UGT2B28: variants seen among roughly 807,000 people sequenced by gnomAD.
UGT2B28 encodes the protein UDP glucuronosyltransferase family 2 member B28.
Under a neutral mutation model 43.6 loss-of-function variants are expected in UGT2B28, and 45 were observed. The ratio of observed to expected loss-of-function variants is 1.03; its 90% confidence interval spans 0.81 to 1.32. The LOEUF (loss-of-function observed/expected upper bound fraction) is 1.32. Ranked by LOEUF, UGT2B28 falls within the 40% of genes most tolerant of loss-of-function variation. UGT2B28 has a pLI of 0.00. For missense variants in UGT2B28, 649 were observed against 625.5 expected (o/e 1.04, Z -0.40); for synonymous variants, 204 against 208.1 (o/e 0.98, Z 0.17).
chr4:69,289,890 AG>A, intron 4 of UGT2B28, 138 bp downstream of exon 4: 1 of 959,746 alleles, frequency 1.0e-6, no homozygotes, highest in Non-Finnish European at 1.4e-6. Flanking sequence ...TTCCAGTCCT[AG>A]GGGAAAAGAA....
chr4:69,293,682 G>T lies in UGT2B28; in HGVS notation c.1311-848G>T, dbSNP rs1346784870. On this transcript the variant is annotated intron_variant, in intron 5 of 5. Transcript: ENST00000335568. ...AAAGTGCTAAGATGAGAACACCTTT[G>T]GAAGCTTAAAGAAAATTAGAAGGCC... 2.1e-5 allele frequency among the ~76,000 whole-genome samples: 3 copies of T among 139,562 alleles called. 1 individual carries two copies. Among genetic ancestry groups the T allele is most frequent in the African/African-American group, 5.6e-5 (2 of 35,616 alleles). 91.6% of individuals were successfully genotyped at this position (139,562 alleles called of 152,430 possible).
chr4:69,282,052 C>T lies in UGT2B28; in HGVS notation c.722-462C>T, dbSNP rs184827571. 9.3e-5 allele frequency among the ~76,000 whole-genome samples: 13 copies of T among 139,576 alleles called. 3 individuals are homozygous for T. In the Admixed American group the frequency reaches 9.4e-4, roughly 10 times the overall value. 91.6% of individuals were successfully genotyped at this position (139,576 alleles called of 152,430 possible). A position where few individuals can be genotyped will look rare whatever the true frequency, so the allele number is the denominator to read the frequency against. On this transcript the variant is annotated intron_variant, in intron 1 of 5. Coordinates refer to ENST00000335568, the MANE Select transcript of UGT2B28 (RefSeq NM_053039.2). The stretch of plus-strand genomic sequence containing the variant: ...TTTCTGCCATACTCTCAAAATAGTC[C>T]GAGTTCACTTGAAGAACCAAAGATA...
At position 69,282,571 on chromosome 4, in the gene UGT2B28, A is replaced by G. The variant is rs1270546467; in HGVS notation, c.779A>G (p.Asn260Ser). 1 of 1,553,214 alleles carries G rather than the reference A, an allele frequency of 6.4e-7. No individual in the cohort carries two copies. Among genetic ancestry groups the G allele is most frequent in the Admixed American group, 1.8e-5 (1 of 55,190 alleles). The change falls in exon 2 of 6, where the codon AAC becomes AGC. Residue 260 changes from asparagine (N) to serine (S), a missense_variant. Transcript: ENST00000335568. ...MGKADIWLMR[N>S]SWSFQFPHPF... ...AAAGCTGACATATGGCTTATGCGAA[A>G]CTCCTGGAGTTTTCAATTTCCTCAT...
In UGT2B28 at chr4:69,288,705, A is replaced by T. The variant is rs1425706820; in HGVS notation, c.1003-960A>T. On this transcript the variant is annotated intron_variant, in intron 3 of 5. Transcript: ENST00000335568. ...TTTCATCACCCAGGTATTAAGACTAATATTCGTTTATTATTTTTCCTGATC... is the reference window on the plus strand; with the variant it reads ...TTTCATCACCCAGGTATTAAGACTATTATTCGTTTATTATTTTTCCTGATC... Among the ~76,000 whole-genome samples, 4 of 138,116 alleles carry T rather than the reference A, an allele frequency of 2.9e-5. 1 individual carries two copies. Among genetic ancestry groups the T allele is most frequent in the African/African-American group, 5.8e-5 (2 of 34,782 alleles). 90.6% of individuals were successfully genotyped at this position (138,116 alleles called of 152,430 possible).
In UGT2B28 at chr4:69,284,397, T is replaced by C. The variant is rs570246407; in HGVS notation, c.870+1735T>C. Among the ~76,000 whole-genome samples the C allele has an allele frequency of 4.0e-3, 558 of 140,894 alleles. 63 individuals are homozygous for C. Among genetic ancestry groups the C allele is most frequent in the Non-Finnish European group, 6.7e-3 (438 of 65,830 alleles). The allele number at this position is 140,894 out of a possible 152,430, so 92.4% of individuals were successfully genotyped here. Reference sequence around the variant, plus strand: ...CTTCAATGCATTATTACTCAACCTCTTAAAAGAACATTTTTGCTTACATAA... The same window carrying C: ...CTTCAATGCATTATTACTCAACCTCCTAAAAGAACATTTTTGCTTACATAA... On this transcript the variant is annotated intron_variant, in intron 2 of 5. Transcript: ENST00000335568.
rs533137189 is a variant in UGT2B28, at chr4:69,286,012, A to G, written c.871-740A>G. On this transcript the variant is annotated intron_variant, in intron 2 of 5. Transcript: ENST00000335568. ...CCACCTAAACAATAACCTGAAAGGT[A>G]CAATTATTCAACAACTAACTATAAA... Among the ~76,000 whole-genome samples the G allele has an allele frequency of 2.6e-3, 369 of 141,628 alleles. 59 individuals carry two copies. The highest frequency in any genetic ancestry group is 4.2e-3 in the Non-Finnish European group (277 of 66,054). The allele number at this position is 141,628 out of a possible 152,430, so 92.9% of individuals were successfully genotyped here.
At position 69,288,639 on chromosome 4, in the gene UGT2B28, C is replaced by G. The variant is rs1389221942; in HGVS notation, c.1003-1026C>G. ...CAGGAGTACATGTGCAGGTTTTTTA[C>G]ATAGGTAAACTTGTGTCATGGGGTT... is the stretch of plus-strand genomic sequence containing the variant. On this transcript the variant is annotated intron_variant, in intron 3 of 5. Transcript: ENST00000335568. 1.4e-5 allele frequency among the ~76,000 whole-genome samples: 2 copies of G among 139,002 alleles called. 1 individual carries two copies. Among genetic ancestry groups the G allele is most frequent in the Non-Finnish European group, 3.1e-5 (2 of 65,454 alleles). 91.2% of individuals were successfully genotyped at this position (139,002 alleles called of 152,430 possible). A position where few individuals can be genotyped will look rare whatever the true frequency, so the allele number is the denominator to read the frequency against.
chr4:69,281,918 T>C (rs1322145255), intron 1 of UGT2B28, among the ~76,000 whole-genome samples: 2 of 140,588 alleles, frequency 1.4e-5, no homozygotes, highest in East Asian at 2.0e-4. Context: ...CAGATCTCTA[T>C]TTCAATAATT....
chr4:69,294,983 G>A lies in UGT2B28; in HGVS notation c.*174G>A. The A allele has an allele frequency of 2.4e-6, 2 of 831,776 alleles. No individual in the cohort carries two copies. The highest frequency in any genetic ancestry group is 3.3e-6 in the Non-Finnish European group (2 of 609,866). 51.5% of individuals were successfully genotyped at this position (831,776 alleles called of 1,614,324 possible). A position where few individuals can be genotyped will look rare whatever the true frequency, so the allele number is the denominator to read the frequency against. ...TGTTTTTCAGAGATTTACCACCCAGGTAATGGTTAGAAATATTCTGTGGCA... is the reference window on the plus strand; with the variant it reads ...TGTTTTTCAGAGATTTACCACCCAGATAATGGTTAGAAATATTCTGTGGCA... On this transcript the variant is annotated 3_prime_UTR_variant, in exon 6 of 6. Coordinates refer to ENST00000335568, the MANE Select transcript of UGT2B28 (RefSeq NM_053039.2).
At position 69,290,449 on chromosome 4, in the gene UGT2B28, C is replaced by T. The variant is rs1259205767; in HGVS notation, c.1091-143C>T. On this transcript the variant is annotated intron_variant, in intron 4 of 5. Coordinates refer to ENST00000335568, the MANE Select transcript of UGT2B28 (RefSeq NM_053039.2). ...TTCAATTACATCTCCTAAACAAGTACGTGTTTATTCCTCTGAAGTCTGAAA... is the reference window on the plus strand; with the variant it reads ...TTCAATTACATCTCCTAAACAAGTATGTGTTTATTCCTCTGAAGTCTGAAA... 2.2e-5 allele frequency: 24 copies of T among 1,102,410 alleles called. 2 individuals carry two copies. Among genetic ancestry groups the T allele is most frequent in the East Asian group, 1.8e-4 (7 of 39,018 alleles). 68.3% of individuals were successfully genotyped at this position (1,102,410 alleles called of 1,614,324 possible). A position where few individuals can be genotyped will look rare whatever the true frequency, so the allele number is the denominator to read the frequency against.
chr4:69,283,416 C>A lies in UGT2B28; in HGVS notation c.870+754C>A, dbSNP rs1723679629. 1.4e-5 allele frequency among the ~76,000 whole-genome samples: 2 copies of A among 139,812 alleles called. 1 individual carries two copies. Among genetic ancestry groups the A allele is most frequent in the Admixed American group, 1.4e-4 (2 of 13,922 alleles). 91.7% of individuals were successfully genotyped at this position (139,812 alleles called of 152,430 possible). A position where few individuals can be genotyped will look rare whatever the true frequency, so the allele number is the denominator to read the frequency against. ...AGAAATAAATATATATGAAACGATTCTCTTTTTTAAGAAGAGCCTCCAAGA... is the reference window on the plus strand; with the variant it reads ...AGAAATAAATATATATGAAACGATTATCTTTTTTAAGAAGAGCCTCCAAGA... On this transcript the variant is annotated intron_variant, in intron 2 of 5. Coordinates refer to ENST00000335568, the MANE Select transcript of UGT2B28 (RefSeq NM_053039.2).
At position 69,291,472 on chromosome 4, in the gene UGT2B28, C is replaced by T. The variant is rs1318112990; in HGVS notation, c.1310+661C>T. Among the ~76,000 whole-genome samples, 9 of 140,862 alleles carry T rather than the reference C, an allele frequency of 6.4e-5. 3 individuals are homozygous for T. Among genetic ancestry groups the T allele is most frequent in the Non-Finnish European group, 1.4e-4 (9 of 65,778 alleles). The allele number at this position is 140,862 out of a possible 152,430, so 92.4% of individuals were successfully genotyped here. On this transcript the variant is annotated intron_variant, in intron 5 of 5. Coordinates refer to ENST00000335568, the MANE Select transcript of UGT2B28 (RefSeq NM_053039.2). ...TCTAGATATTTCATATAAACGGAATCGTACAGTCTCAGGTGCTGTGTAAAT... is the reference window on the plus strand; with the variant it reads ...TCTAGATATTTCATATAAACGGAATTGTACAGTCTCAGGTGCTGTGTAAAT...
chr4:69,286,098 C>T lies in UGT2B28; in HGVS notation c.871-654C>T, dbSNP rs1406643898. Among the ~76,000 whole-genome samples the T allele has an allele frequency of 1.4e-5, 2 of 141,468 alleles. 1 individual carries two copies. The highest frequency in any genetic ancestry group is 1.4e-4 in the Admixed American group (2 of 14,124). 92.8% of individuals were successfully genotyped at this position (141,468 alleles called of 152,430 possible). A position where few individuals can be genotyped will look rare whatever the true frequency, so the allele number is the denominator to read the frequency against. On this transcript the variant is annotated intron_variant, in intron 2 of 5. Transcript: ENST00000335568. ...ACTGAGTCATAAAAATTCCAAATCA[C>T]AATACTAGACTCAGGAATGTCAGTG... is the stretch of plus-strand genomic sequence containing the variant.
chr4:69,292,542 A>G (rs1222030331), intron 5 of UGT2B28, among the ~76,000 whole-genome samples: 2 of 141,188 alleles, frequency 1.4e-5, no homozygotes, highest in Non-Finnish European at 3.0e-5. Flanking sequence ...CAGACTTTTA[A>G]TAAAAGAGCA....
At chr4:69,283,210 G>A (rs866993802) in intron 2 of UGT2B28, among the ~76,000 whole-genome samples, 2 of 139,158 alleles carry the variant, frequency 1.4e-5, no homozygotes, top group South Asian at 4.8e-4. Context: ...AAAGAATGGC[G>A]GGGAGAGGCA....
At position 69,291,542 on chromosome 4, in the gene UGT2B28, G is replaced by A. The variant is rs1265745647; in HGVS notation, c.1310+731G>A. ...TTTTTGTTCTTTTCTTATGGTTTTT[G>A]TTTTACTTCATATTGTTTTGTGTTT... On this transcript the variant is annotated intron_variant, in intron 5 of 5. Coordinates refer to ENST00000335568, the MANE Select transcript of UGT2B28 (RefSeq NM_053039.2). Among the ~76,000 whole-genome samples the A allele has an allele frequency of 2.1e-5, 3 of 140,330 alleles. 1 individual carries two copies. In the South Asian group the frequency reaches 7.1e-4, roughly 33 times the overall value. The allele number at this position is 140,330 out of a possible 152,430, so 92.1% of individuals were successfully genotyped here. A position where few individuals can be genotyped will look rare whatever the true frequency, so the allele number is the denominator to read the frequency against.
In UGT2B28 at chr4:69,289,658, G is replaced by A. The variant is rs369285773; in HGVS notation, c.1003-7G>A. 34 of 1,543,346 alleles carry A rather than the reference G, an allele frequency of 2.2e-5. 3 individuals carry two copies. The highest frequency in any genetic ancestry group is 2.7e-5 in the Non-Finnish European group (31 of 1,147,774). On this transcript the variant is annotated splice_polypyrimidine_tract_variant and splice_region_variant and intron_variant, in intron 3 of 5. Transcript: ENST00000335568. ...CATGGAATAAGATATTCTCTTTACTGTAACAGGTTCTGTGGAGATTTGATG... is the reference window on the plus strand; with the variant it reads ...CATGGAATAAGATATTCTCTTTACTATAACAGGTTCTGTGGAGATTTGATG...
At position 69,280,605 on chromosome 4, in the gene UGT2B28, T is replaced by C. The variant is rs1479331757; in HGVS notation, c.105T>C (p.His35=). The C allele has an allele frequency of 6.4e-7, 1 of 1,560,558 alleles. No homozygotes were observed. The highest frequency in any genetic ancestry group is 8.7e-7 in the Non-Finnish European group (1 of 1,155,848). ...KVLVWTGEYS[H]WMNMKTILKE... is the part of the protein sequence containing the mutation. ...TGGTGTGGACCGGTGAATACAGCCA[T>C]TGGATGAATATGAAGACAATCCTGA... The change falls in exon 1 of 6, where the codon CAT becomes CAC. Residue 35 remains histidine, a synonymous_variant. Transcript: ENST00000335568.
At chr4:69,290,419 G>A (rs1723917453) in intron 4 of UGT2B28, among the ~76,000 whole-genome samples, 173 bp from the exon 5 acceptor site, 1 of 140,170 alleles carries the variant, frequency 7.1e-6, no homozygotes, top group South Asian at 2.4e-4. Flanking sequence ...GCACACCACG[G>A]AGACTTCAAT....
Sources: gnomAD v4.1 joint callset for allele counts (sites outside exome capture counted in the v4.1 genomes callset) on GRCh38, gnomAD v4.1.1 for gene constraint, MANE v1.5 for transcripts, NCBI Gene and HGNC (gene_info 2026-07-23, HGNC 2026-07-21) for gene names.